Variants in MACROH2A2 observed in about 807,000 individuals in gnomAD.
MACROH2A2 encodes core histone macro-H2A.2.
In MACROH2A2, 6 loss-of-function variants were observed where a neutral mutation model predicts 37.6. The observed-to-expected ratio is 0.16, with a 90% CI of 0.09 to 0.32. MACROH2A2 has a LOEUF of 0.32. Among genes scored for constraint, MACROH2A2 ranks in the 10% least tolerant of loss-of-function variants. MACROH2A2 has a pLI of 1.00. For missense variants in MACROH2A2, 290 were observed against 485.9 expected (o/e 0.60, Z 3.79); for synonymous variants, 192 against 202.7 (o/e 0.95, Z 0.45).
At chr10:70,097,165 G>A (rs2072281042) in intron 6 of MACROH2A2, among the ~76,000 whole-genome samples, 1 of 152,190 alleles carries the variant, frequency 6.6e-6, no homozygotes, top group African/African-American at 2.4e-5. Context: ...GGTCTTGGGA[G>A]GAGAAATGGG....
At chr10:70,093,908 T>G (rs1393922768) in intron 5 of MACROH2A2, 63 bp downstream of exon 5, 2 of 832,722 alleles carry the variant, frequency 2.4e-6, no homozygotes, top group Non-Finnish European at 4.1e-6. Context: ...ACCTACTGTT[T>G]ACAAGCAATG....
Position 70,066,317 on chromosome 10 carries a change from G to T in MACROH2A2, c.-59-9283G>T, listed in dbSNP as rs566431841. On this transcript the variant is annotated intron_variant, in intron 1 of 8. Coordinates refer to ENST00000373255, the MANE Select transcript of MACROH2A2 (RefSeq NM_018649.3). ...CACTCCAGCCTGGGTGACAGAGCAA[G>T]ACTCTCAAAAAAAGAAAGAAAGAAA... Among the ~76,000 whole-genome samples the T allele has an allele frequency of 3.9e-5, 6 of 152,268 alleles. No individual in the cohort carries two copies. In the East Asian group the frequency reaches 1.2e-3, roughly 29 times the overall value.
chr10:70,075,519 A>G lies in MACROH2A2; in HGVS notation c.-59-81A>G. 1 of 771,430 alleles carries G rather than the reference A, an allele frequency of 1.3e-6. No individual in the cohort carries two copies. The highest frequency in any genetic ancestry group is 2.2e-6 in the Non-Finnish European group (1 of 464,122). 47.8% of individuals were successfully genotyped at this position (771,430 alleles called of 1,614,324 possible). A position where few individuals can be genotyped will look rare whatever the true frequency, so the allele number is the denominator to read the frequency against. On this transcript the variant is annotated intron_variant, in intron 1 of 8. Transcript: ENST00000373255. This position sits in a 1 kb window ranked among gnomAD's most constrained non-coding sequence, Gnocchi z 5.0. ...TCCCCAGGGCAGTCAGAGGTGTCAC[A>G]GTGGTGCCCAAGGGCCATGCCACTG...
chr10:70,108,877 C>T (rs1362088258), intron 7 of MACROH2A2, among the ~76,000 whole-genome samples, 156 bp from the exon 8 acceptor site: 7 of 152,196 alleles, frequency 4.6e-5, no homozygotes, highest in African/African-American at 9.7e-5. Flanking sequence ...CTCTTGCTCT[C>T]GTTAAACATA....
At chr10:70,083,436 G>A (rs746405723) in intron 2 of MACROH2A2, among the ~76,000 whole-genome samples, 1 of 152,168 alleles carries the variant, frequency 6.6e-6, no homozygotes, top group Non-Finnish European at 1.5e-5. Flanking sequence ...GGGGGCCAAT[G>A]AGCCACCATC....
chr10:70,085,246 G>A (rs902212722), intron 2 of MACROH2A2, among the ~76,000 whole-genome samples: 2 of 152,150 alleles, frequency 1.3e-5, no homozygotes, highest in Non-Finnish European at 2.9e-5. Context: ...ATTTTGATTT[G>A]GGGACTGATT....
At chr10:70,091,690 A>G in intron 3 of MACROH2A2, 67 bp from the exon 4 acceptor site, 1 of 1,106,824 alleles carries the variant, frequency 9.0e-7, no homozygotes, top group Non-Finnish European at 1.3e-6. Context: ...AAAAAAAAAA[A>G]AGAACTGTAT....
chr10:70,083,567 G>A (rs1272714356), intron 2 of MACROH2A2, among the ~76,000 whole-genome samples: 1 of 152,052 alleles, frequency 6.6e-6, no homozygotes, highest in African/African-American at 2.4e-5. Flanking sequence ...TGGCCAGGAA[G>A]AGAAGGCTGG....
At chr10:70,081,031 C>G (rs2072173379) in intron 2 of MACROH2A2, among the ~76,000 whole-genome samples, 1 of 144,440 alleles carries the variant, frequency 6.9e-6, no homozygotes, top group South Asian at 2.2e-4. Context: ...TACCACTGCA[C>G]TCCTCAGCCT....
chr10:70,067,184 G>A (rs762345494), intron 1 of MACROH2A2, among the ~76,000 whole-genome samples: 13 of 152,160 alleles, frequency 8.5e-5, no homozygotes, highest in Admixed American at 2.6e-4. Flanking sequence ...GAGGCTTGTA[G>A]GAGCCTAACC....
At chr10:70,081,298 C>T (rs555988533) in intron 2 of MACROH2A2, among the ~76,000 whole-genome samples, 1 of 152,174 alleles carries the variant, frequency 6.6e-6, no homozygotes, top group African/African-American at 2.4e-5. Context: ...GTGGCTATTG[C>T]TCTTATTGAG....
chr10:70,091,032 T>C (rs925351366), intron 3 of MACROH2A2, among the ~76,000 whole-genome samples: 1 of 152,232 alleles, frequency 6.6e-6, no homozygotes, highest in African/African-American at 2.4e-5. Context: ...CAGACATACT[T>C]TACTGATGGA....
At chr10:70,058,496 T>C (rs2072030151) in intron 1 of MACROH2A2, among the ~76,000 whole-genome samples, 1 of 152,212 alleles carries the variant, frequency 6.6e-6, no homozygotes, top group Admixed American at 6.5e-5. Flanking sequence ...TTTCTGGATA[T>C]GAAAGGCGGT....
At position 70,089,103 on chromosome 10, in the gene MACROH2A2, G is replaced by A. The variant is rs189220626; in HGVS notation, c.173-957G>A. The stretch of plus-strand genomic sequence containing the variant: ...TGGGCAACAGAACGAGCAAGACTCC[G>A]TCTCAACAAAAAAGAAAAAGACAGT... On this transcript the variant is annotated intron_variant, in intron 2 of 8. Coordinates refer to ENST00000373255, the MANE Select transcript of MACROH2A2 (RefSeq NM_018649.3). Among the ~76,000 whole-genome samples, 203 of 152,184 alleles carry A rather than the reference G, an allele frequency of 1.3e-3. 2 individuals are homozygous for A. The highest frequency in any genetic ancestry group is 4.6e-3 in the African/African-American group (189 of 41,536).
intron 1 of MACROH2A2, among the ~76,000 whole-genome samples, chr10:70,067,929 C>G (rs539801780): frequency 3.3e-5 from 5 of 152,222 alleles, no homozygotes; most frequent in Admixed American, 6.5e-5. Flanking sequence ...TTCTTTGGCA[C>G]AGATAGAGAC....
chr10:70,069,438 C>T lies in MACROH2A2; in HGVS notation c.-59-6162C>T, dbSNP rs111739356. On this transcript the variant is annotated intron_variant, in intron 1 of 8. Transcript: ENST00000373255. ...TATAAGACTGTATACCTTGGTCTTT[C>T]TGCTATGAAAGGACAGGTACATTGC... Among the ~76,000 whole-genome samples, 1,249 of 152,222 alleles carry T rather than the reference C, an allele frequency of 8.2e-3. 12 individuals are homozygous for T. Among genetic ancestry groups the T allele is most frequent in the African/African-American group, 0.019 (774 of 41,510 alleles).
In MACROH2A2 at chr10:70,075,766, G is replaced by C. The variant is rs149655623; in HGVS notation, c.108G>C (p.Thr36=). The C allele has an allele frequency of 1.7e-5, 28 of 1,613,888 alleles. No homozygotes were observed. Among genetic ancestry groups the C allele is most frequent in the Admixed American group, 3.3e-5 (2 of 59,996 alleles). The change falls in exon 2 of 9, where the codon ACG becomes ACC. Residue 36 remains threonine, a synonymous_variant. Transcript: ENST00000373255. The surrounding 1 kb of genome is among the most constrained non-coding windows in gnomAD (Gnocchi z 5.0). Reference sequence around the variant, plus strand: ...TGATGCGTTATCTGAAGAAAGGGACGTTCAAGTACCGGATCAGCGTGGGCG... The same window carrying C: ...TGATGCGTTATCTGAAGAAAGGGACCTTCAAGTACCGGATCAGCGTGGGCG... The part of the protein sequence containing the change: ...GRLMRYLKKG[T]FKYRISVGAP...
At position 70,111,780 on chromosome 10, in the gene MACROH2A2, T is replaced by A. The variant is rs1422402409; in HGVS notation, c.*97T>A. ...GAGAGGAGGGGTGATGGCAGGGGAG[T>A]GGAGGGTGGCCGGGCAGGTCCTGCC... On this transcript the variant is annotated 3_prime_UTR_variant, in exon 9 of 9. Transcript: ENST00000373255. The A allele has an allele frequency of 1.8e-6, 2 of 1,117,036 alleles. No individual in the cohort carries two copies. Among genetic ancestry groups the A allele is most frequent in the African/African-American group, 3.2e-5 (2 of 62,426 alleles). 69.2% of individuals were successfully genotyped at this position (1,117,036 alleles called of 1,614,324 possible). A position where few individuals can be genotyped will look rare whatever the true frequency, so the allele number is the denominator to read the frequency against.
intron 1 of MACROH2A2, among the ~76,000 whole-genome samples, chr10:70,070,999 A>ATG (rs60976509): frequency 0.058 from 8,634 of 148,936 alleles, 281 homozygotes; most frequent in African/African-American, 0.078. Context: ...GTGCATGTGC[A>ATG]TGTGTGTGTG....
Sources: allele counts gnomAD v4.1 joint callset (sites outside exome capture counted in the v4.1 genomes callset), GRCh38; gene constraint gnomAD v4.1.1; non-coding constraint Gnocchi (gnomAD v3.1); transcripts MANE v1.5; gene names NCBI Gene and HGNC (gene_info 2026-07-23, HGNC 2026-07-21).